Variants in BTAF1 observed in about 807,000 individuals in gnomAD.
BTAF1 encodes the protein B-TFIID TATA-box binding protein associated factor 1, also known as TATA-binding protein-associated factor 172.
BTAF1 carries 38 observed loss-of-function variants against 227.1 expected under a neutral mutation model. The ratio of observed to expected loss-of-function variants is 0.17; its 90% CI spans 0.13 to 0.22. The LOEUF (loss-of-function observed/expected upper bound fraction) is 0.22, where lower values mean the gene tolerates loss of function less well. BTAF1 is among the 10% of genes least tolerant of loss of function. BTAF1 has a pLI of 1.00. For missense variants in BTAF1, 1,598 were observed against 2,204.0 expected, an observed-to-expected ratio of 0.73 and a Z score of 5.51; for synonymous variants, 742 against 751.9, an observed-to-expected ratio of 0.99 and a Z score of 0.21.
rs567869060 is a variant in BTAF1 at position 91,959,011 on chromosome 10, A to G, written c.901-54A>G. 58 of 1,529,482 alleles carry G rather than the reference A, an allele frequency of 3.8e-5. No individual in the cohort carries two copies. The East Asian group carries it at 5.6e-4, about 15-fold the overall frequency. 94.7% of individuals were successfully genotyped at this position (1,529,482 alleles called of 1,614,324 possible). On this transcript the variant is annotated intron_variant, in intron 8 of 37. Coordinates refer to ENST00000265990, the MANE Select transcript of BTAF1 (RefSeq NM_003972.3). ...CCTATTTCGTATAGAAGAAAAATCA[A>G]ACTTTGTTTCTTAAACATTTAACAT...
intron 6 of BTAF1, 99 bp from the exon 7 acceptor site, chr10:91,956,429 T>C: frequency 7.5e-7 from 1 of 1,336,988 alleles, no homozygotes; most frequent in Non-Finnish European, 1.0e-6. Flanking sequence ...ATGGATTATC[T>C]TAAATTCATT....
At chr10:91,982,037 T>G in intron 16 of BTAF1, 46 bp from the exon 17 acceptor site, 1 of 1,580,274 alleles carries the variant, frequency 6.3e-7, no homozygotes, top group Non-Finnish European at 8.6e-7. Context: ...GCCTATTCAG[T>G]TTTAATGGTT....
At position 91,964,187 on chromosome 10, in the gene BTAF1, G is replaced by A. The variant is rs2133912050; in HGVS notation, c.1515G>A (p.Gln505=). 6.2e-7 allele frequency: 1 copy of A among 1,612,252 alleles called. No individual in the cohort carries two copies. The highest frequency in any genetic ancestry group is 2.2e-5 in the East Asian group (1 of 44,826). ...TTTCATCCTTGTTAACTTACCCTCAGGTCCAACAATGCAGGTAATTATTTC... is the reference window on the plus strand; with the variant it reads ...TTTCATCCTTGTTAACTTACCCTCAAGTCCAACAATGCAGGTAATTATTTC... ...TLLSSLLTYP[Q]VQQCSIQQSL... The change falls in exon 13 of 38, where the codon CAG becomes CAA. Residue 505 remains glutamine (Q), a synonymous_variant. Coordinates refer to ENST00000265990, the MANE Select transcript of BTAF1 (RefSeq NM_003972.3).
At chr10:92,021,212 C>T (rs1407316662) in intron 34 of BTAF1, among the ~76,000 whole-genome samples, 1 of 152,126 alleles carries the variant, frequency 6.6e-6, no homozygotes, top group East Asian at 1.9e-4. Context: ...GGAGAAGTAT[C>T]TAATATTGCC....
intron 25 of BTAF1, among the ~76,000 whole-genome samples, chr10:92,005,683 A>G (rs539296110): frequency 6.6e-6 from 1 of 152,154 alleles, no homozygotes. Context: ...TGTTTATTAT[A>G]TTTTCTGTAA....
intron 1 of BTAF1, among the ~76,000 whole-genome samples, chr10:91,934,621 C>CA (rs1365456928): frequency 6.6e-6 from 1 of 152,082 alleles, no homozygotes; most frequent in Non-Finnish European, 1.5e-5. Flanking sequence ...TTTCTTGACC[C>CA]AAGACCTTCA....
intron 6 of BTAF1, among the ~76,000 whole-genome samples, 175 bp from the exon 7 acceptor site, chr10:91,956,353 G>A (rs758763745): frequency 2.0e-5 from 3 of 152,162 alleles, no homozygotes; most frequent in Non-Finnish European, 4.4e-5. Flanking sequence ...GCAGTTAGTC[G>A]TTTGATACAT....
chr10:91,978,332 C>T (rs186318549), intron 14 of BTAF1, among the ~76,000 whole-genome samples: 59 of 152,182 alleles, frequency 3.9e-4, no homozygotes, highest in East Asian at 1.9e-3. Flanking sequence ...CTACAGGCAA[C>T]TGCTTGGATT....
intron 4 of BTAF1, among the ~76,000 whole-genome samples, chr10:91,946,748 T>C (rs1196341929): frequency 6.6e-6 from 1 of 152,222 alleles, no homozygotes; most frequent in South Asian, 2.1e-4. Context: ...CATTGGGTTA[T>C]TTGTCCTTTT....
intron 20 of BTAF1, among the ~76,000 whole-genome samples, chr10:91,990,589 G>A (rs1848667815): frequency 6.6e-6 from 1 of 151,682 alleles, no homozygotes; most frequent in South Asian, 2.1e-4. Flanking sequence ...GAGGTCGGGA[G>A]TTCAAGACCA....
At chr10:92,018,724 A>G (rs1589985723) in intron 33 of BTAF1, 59 bp from the exon 34 acceptor site, 2 of 1,330,696 alleles carry the variant, frequency 1.5e-6, no homozygotes, top group East Asian at 5.2e-5. Flanking sequence ...AGATACAGAG[A>G]TAAAAATATT....
chr10:92,028,756 T>TTTA, intron 37 of BTAF1, 34 bp from the exon 38 acceptor site: 3 of 1,535,942 alleles, frequency 2.0e-6, no homozygotes, highest in South Asian at 1.2e-5. Flanking sequence ...AACCTCTCAT[T>TTTA]TTATTTTTTT....
chr10:91,971,193 A>G (rs2133940656), intron 14 of BTAF1, among the ~76,000 whole-genome samples: 1 of 152,164 alleles, frequency 6.6e-6, no homozygotes, highest in Admixed American at 6.5e-5. Context: ...TTTCAATGGC[A>G]TCATTCATGA....
In BTAF1 at chr10:91,996,413, C is replaced by G. The variant is rs775533468; in HGVS notation, c.3354C>G (p.Pro1118=). The G allele has an allele frequency of 6.2e-7, 1 of 1,614,104 alleles. No homozygotes were observed. The highest frequency in any genetic ancestry group is 1.7e-5 in the Admixed American group (1 of 60,020). Residue 1118 remains proline, a synonymous_variant, in exon 24 of 38, where the codon CCC becomes CCG. Transcript: ENST00000265990. ...LPHLYMCLQY[P]STAVRHMAAR... Reference sequence around the variant, plus strand: ...ATCTTTATATGTGCCTTCAATACCCCAGTACTGCAGTGAGGCACATGGCTG... The same window carrying G: ...ATCTTTATATGTGCCTTCAATACCCGAGTACTGCAGTGAGGCACATGGCTG...
intron 12 of BTAF1, 130 bp from the exon 13 acceptor site, chr10:91,963,946 AT>A: frequency 2.0e-6 from 2 of 976,614 alleles, no homozygotes; most frequent in Non-Finnish European, 3.0e-6. Context: ...TTTACTCAAA[AT>A]TGACACCGTC....
At position 92,031,319 on chromosome 10, in the gene BTAF1, A is replaced by T. The variant is rs1851882000; in HGVS notation, c.*2386A>T. On this transcript the variant is annotated 3_prime_UTR_variant, in exon 38 of 38. Transcript: ENST00000265990. ...TTCTACAAACATTTCTCCAAAAAGT[A>T]TTCTAGTGAAAGGGTAAAAGTCTTT... Among the ~76,000 whole-genome samples, 1 of 152,190 alleles carries T rather than the reference A, an allele frequency of 6.6e-6. No individual in the cohort carries two copies. Among genetic ancestry groups the T allele is most frequent in the Admixed American group, 6.5e-5 (1 of 15,288 alleles).
chr10:92,025,380 G>T (rs538766266), intron 35 of BTAF1, among the ~76,000 whole-genome samples: 158 of 151,906 alleles, frequency 1.0e-3, no homozygotes, highest in Middle Eastern at 3.4e-3. Flanking sequence ...GAACTGGTGA[G>T]TGCAGTGTTC....
intron 25 of BTAF1, among the ~76,000 whole-genome samples, chr10:92,006,593 T>C (rs1319486958): frequency 6.6e-6 from 1 of 152,238 alleles, no homozygotes; most frequent in Non-Finnish European, 1.5e-5. Context: ...ATTCATTATA[T>C]AATATTTTAA....
rs1282018577 is a variant in BTAF1, at chr10:91,960,048, G to A, written c.1157G>A (p.Gly386Glu). Residue 386 changes from glycine to glutamate, a missense_variant, in exon 11 of 38, where the codon GGA becomes GAA. Gly to Glu is a moderately conservative substitution (Grantham distance 98, BLOSUM62 -2). Around this residue, in one of 10 missense-constraint regions of BTAF1, gnomAD observed 52 missense variants for 72.4 expected, o/e 0.72. Coordinates refer to ENST00000265990, the MANE Select transcript of BTAF1 (RefSeq NM_003972.3). ...GTTTTAAAACACATGAACGAAACAG[G>A]AGTTCATAAGACTGTGGATGTGCTG... ...GVVLKHMNET[G>E]VHKTVDVLLK... 2 of 1,613,470 alleles carry A rather than the reference G, an allele frequency of 1.2e-6. No homozygotes were observed. The highest frequency in any genetic ancestry group is 1.7e-6 in the Non-Finnish European group (2 of 1,179,736).
Sources: allele counts gnomAD v4.1 joint callset (sites outside exome capture counted in the v4.1 genomes callset), GRCh38; gene constraint gnomAD v4.1.1; regional missense constraint gnomAD v4.1.1; transcripts MANE v1.5; gene names NCBI Gene and HGNC (gene_info 2026-07-23, HGNC 2026-07-21).